DCC: variants seen among roughly 807,000 people sequenced by gnomAD.
DCC encodes netrin receptor DCC.
DCC carries 58 observed loss-of-function variants against 172.5 expected under a neutral mutation model. That is an observed-to-expected ratio of 0.34 (90% CI 0.27 to 0.42). DCC has a LOEUF of 0.42. DCC is among the 10% of genes least tolerant of loss of function. The pLI, the probability that DCC is intolerant of heterozygous loss-of-function variation, is 1.00. For missense variants in DCC, 1,740 were observed against 1,791.0 expected, an observed-to-expected ratio of 0.97 and a Z score of 0.51; for synonymous variants, 709 against 644.5, an observed-to-expected ratio of 1.10 and a Z score of -1.52.
At chr18:52,895,786 G>T (rs191179214) in intron 2 of DCC, among the ~76,000 whole-genome samples, 439 of 152,012 alleles carry the variant, frequency 2.9e-3, no homozygotes, top group African/African-American at 9.7e-3. Flanking sequence ...AGTTAAATTG[G>T]TTTTTTTGTT....
At chr18:52,861,293 G>A (rs1260428487) in intron 2 of DCC, among the ~76,000 whole-genome samples, 2 of 152,146 alleles carry the variant, frequency 1.3e-5, no homozygotes, top group African/African-American at 4.8e-5. Flanking sequence ...TTTCCAAGGA[G>A]CTTTTTATTG....
At chr18:52,598,338 A>G (rs2033948398) in intron 1 of DCC, among the ~76,000 whole-genome samples, 1 of 152,218 alleles carries the variant, frequency 6.6e-6, no homozygotes, top group African/African-American at 2.4e-5. Context: ...AAGACCCCTG[A>G]TGGGGTTTTC....
chr18:53,364,328 T>C (rs1317512801), intron 15 of DCC, among the ~76,000 whole-genome samples: 1 of 152,164 alleles, frequency 6.6e-6, no homozygotes, highest in Non-Finnish European at 1.5e-5. Context: ...TCTATTTTTT[T>C]TTCTTTTTTC....
intron 5 of DCC, among the ~76,000 whole-genome samples, chr18:53,039,338 A>G (rs2143990458): frequency 6.6e-6 from 1 of 152,174 alleles, no homozygotes; most frequent in South Asian, 2.1e-4. Context: ...AAACATTTAT[A>G]TAATTTCTGC....
rs1048217970 is a variant in DCC at position 53,533,542 on chromosome 18, C to T, written c.*2889C>T. 1.3e-5 allele frequency: 2 copies of T among 152,016 alleles called. No homozygotes were observed. The highest frequency in any genetic ancestry group is 4.8e-5 in the African/African-American group (2 of 41,410). 9.4% of individuals were successfully genotyped at this position (152,016 alleles called of 1,614,324 possible). ...TAAGAAAGCTATTTTCTCTCCTCTG[C>T]AGAAATTTCTGCATTTGTGAAACTT... On this transcript the variant is annotated 3_prime_UTR_variant, in exon 29 of 29. Transcript: ENST00000442544.
At chr18:53,365,954 A>G (rs1382677982) in intron 15 of DCC, among the ~76,000 whole-genome samples, 1 of 152,172 alleles carries the variant, frequency 6.6e-6, no homozygotes, top group Non-Finnish European at 1.5e-5. Flanking sequence ...TTATCACAGG[A>G]ATGTTCTTGC....
Position 52,910,824 on chromosome 18 carries a change from A to C in DCC, c.697+4496A>C, listed in dbSNP as rs912319316. ...TGACTCTGAGTCCTGTATAGACCTTAACTAAATATTTATCTAATTAGAGAC... is the reference window on the plus strand; with the variant it reads ...TGACTCTGAGTCCTGTATAGACCTTCACTAAATATTTATCTAATTAGAGAC... On this transcript the variant is annotated intron_variant, in intron 3 of 28. Transcript: ENST00000442544. 3.3e-5 allele frequency among the ~76,000 whole-genome samples: 5 copies of C among 152,134 alleles called. No individual in the cohort carries two copies. In the East Asian group the frequency reaches 9.6e-4, roughly 29 times the overall value.
rs551535160 is a variant in DCC, at chr18:53,075,314, A to G, written c.1261+9148A>G. 7.2e-5 allele frequency among the ~76,000 whole-genome samples: 11 copies of G among 152,324 alleles called. No homozygotes were observed. The East Asian group carries it at 7.7e-4, about 11-fold the overall frequency. Reference sequence around the variant, plus strand: ...GTTTCTCAGCAAATAAAGGCTTGTCATTCACCTTGTCCTTCATTCAGCACG... The same window carrying G: ...GTTTCTCAGCAAATAAAGGCTTGTCGTTCACCTTGTCCTTCATTCAGCACG... On this transcript the variant is annotated intron_variant, in intron 7 of 28. Transcript: ENST00000442544.
chr18:53,129,854 G>C (rs1470011924), intron 7 of DCC, among the ~76,000 whole-genome samples: 1 of 152,100 alleles, frequency 6.6e-6, no homozygotes, highest in Non-Finnish European at 1.5e-5. Flanking sequence ...GGGTAAAAAT[G>C]TAGGAATAGA....
chr18:53,285,746 A>G (rs192105363), intron 12 of DCC, among the ~76,000 whole-genome samples: 3 of 152,322 alleles, frequency 2.0e-5, no homozygotes, highest in Admixed American at 6.5e-5. Context: ...CAAACGCTCA[A>G]TGCTGCCACT....
intron 21 of DCC, among the ~76,000 whole-genome samples, chr18:53,425,928 G>C (rs1502237): frequency 0.037 from 5,680 of 152,112 alleles, 367 homozygotes; most frequent in African/African-American, 0.13. Flanking sequence ...TAATTAGTCA[G>C]AGTTTTGCTT....
At chr18:52,638,242 T>C (rs181377831) in intron 1 of DCC, among the ~76,000 whole-genome samples, 1 of 150,378 alleles carries the variant, frequency 6.6e-6, no homozygotes, top group South Asian at 2.1e-4. Flanking sequence ...ACAGGACCTA[T>C]AAAACAAAAA....
intron 5 of DCC, among the ~76,000 whole-genome samples, chr18:52,942,878 A>G (rs2040485658): frequency 6.6e-6 from 1 of 152,226 alleles, no homozygotes; most frequent in African/African-American, 2.4e-5. Flanking sequence ...TCACATACAA[A>G]ATAATTATCA....
chr18:52,793,505 G>A (rs1490981320), intron 2 of DCC, among the ~76,000 whole-genome samples: 1 of 152,076 alleles, frequency 6.6e-6, no homozygotes, highest in African/African-American at 2.4e-5. Context: ...TTTGGCTGTT[G>A]AGTTGTTTCA....
At chr18:53,055,070 G>A (rs1423403502) in intron 5 of DCC, among the ~76,000 whole-genome samples, 2 of 152,042 alleles carry the variant, frequency 1.3e-5, no homozygotes, top group Admixed American at 6.6e-5. Context: ...ATTGCCAAGG[G>A]ATTTGCCGTT....
At position 52,892,924 on chromosome 18, in the gene DCC, A is replaced by G. The variant is rs529605077; in HGVS notation, c.413-13120A>G. ...TATATAGATTTACCAGAAGTCTTTA[A>G]TCTAAATTATTATTTCTGTTGGGAT... On this transcript the variant is annotated intron_variant, in intron 2 of 28. Transcript: ENST00000442544. Among the ~76,000 whole-genome samples, 760 of 152,220 alleles carry G rather than the reference A, an allele frequency of 5.0e-3. 7 individuals carry two copies. The highest frequency in any genetic ancestry group is 8.2e-3 in the Non-Finnish European group (558 of 68,000).
At chr18:52,353,498 G>T (rs1274464163) in intron 1 of DCC, among the ~76,000 whole-genome samples, 1 of 152,188 alleles carries the variant, frequency 6.6e-6, no homozygotes, top group Non-Finnish European at 1.5e-5. Context: ...ACCCTGACGG[G>T]GGCTACCCCA....
At chr18:52,525,630 C>A (rs2031959000) in intron 1 of DCC, among the ~76,000 whole-genome samples, 1 of 152,110 alleles carries the variant, frequency 6.6e-6, no homozygotes, top group Non-Finnish European at 1.5e-5. Flanking sequence ...TGGTCAATTA[C>A]CTAATAGAAT....
At chr18:53,349,168 A>G (rs2057759186) in intron 15 of DCC, among the ~76,000 whole-genome samples, 1 of 152,184 alleles carries the variant, frequency 6.6e-6, no homozygotes, top group Non-Finnish European at 1.5e-5. Context: ...TTATTCCGCT[A>G]GATACCCCAA....
Sources: allele counts gnomAD v4.1 joint callset (sites outside exome capture counted in the v4.1 genomes callset), GRCh38; gene constraint gnomAD v4.1.1; transcripts MANE v1.5; gene names NCBI Gene and HGNC (gene_info 2026-07-23, HGNC 2026-07-21).